Variants in SIRPG observed in about 807,000 individuals in gnomAD.
The protein encoded by SIRPG is signal regulatory protein gamma, also known as signal-regulatory protein gamma.
A neutral mutation model predicts 35.7 loss-of-function variants in SIRPG; 38 were observed. The ratio of observed to expected loss-of-function variants is 1.06; its 90% CI spans 0.82 to 1.40. The LOEUF (loss-of-function observed/expected upper bound fraction) is 1.40, where lower values mean the gene tolerates loss of function less well. SIRPG is among the 40% of genes most tolerant of loss of function. The pLI, the probability that SIRPG is intolerant of heterozygous loss-of-function variation, is 0.00. For synonymous variants in SIRPG, 215 were observed against 190.4 expected, an observed-to-expected ratio of 1.13 and a Z score of -1.06; for missense variants, 519 against 483.0, an observed-to-expected ratio of 1.07 and a Z score of -0.70.
chr20:1,630,214 G>A lies in SIRPG; in HGVS notation c.*2+8C>T, dbSNP rs144965974. On this transcript the variant is annotated splice_region_variant and intron_variant, in intron 5 of 5. Coordinates refer to ENST00000303415, the MANE Select transcript of SIRPG (RefSeq NM_018556.4). ...GCCCTTGGTCTGTCCTCCCTTCCTT[G>A]TACTTACAGTCAGGTCTTCTGCTTC... is the stretch of plus-strand genomic sequence containing the variant. 478 of 1,553,186 alleles carry A rather than the reference G, an allele frequency of 3.1e-4. 2 individuals carry two copies. In the African/African-American group the frequency reaches 5.8e-3, roughly 19 times the overall value.
chr20:1,685,914 T>C, the SIRPG span, among the ~76,000 whole-genome samples: 1 of 152,142 alleles, frequency 6.6e-6, no homozygotes, highest in Non-Finnish European at 1.5e-5. Flanking sequence ...CTCTGTGGCC[T>C]TGGGCAGATG....
At chr20:1,652,170 G>T (rs927767757) in intron 1 of SIRPG, among the ~76,000 whole-genome samples, 2 of 152,094 alleles carry the variant, frequency 1.3e-5, no homozygotes, top group African/African-American at 4.8e-5. Flanking sequence ...AAACAAAAAA[G>T]CCCCTCTCTG....
chr20:1,671,042 C>G, the SIRPG span: 2 of 423,770 alleles, frequency 4.7e-6, no homozygotes, highest in Admixed American at 2.6e-5. Flanking sequence ...GCAGGGTCCA[C>G]GTTGATCTGG....
At chr20:1,668,228 TTTCTTTCTTTCTTTCTTTC>T in the SIRPG span, among the ~76,000 whole-genome samples, 1 of 127,464 alleles carries the variant, frequency 7.8e-6, no homozygotes, top group Non-Finnish European at 1.7e-5. Flanking sequence ...TCTTTCTTTC[TTTCTTTCTTTCTTTCTTTC>T]TTTTTCTTTT....
intron 1 of SIRPG, 67 bp downstream of exon 1, chr20:1,657,575 C>A: frequency 6.7e-7 from 1 of 1,499,044 alleles, no homozygotes; most frequent in South Asian, 1.1e-5. Flanking sequence ...GAAATTGCTG[C>A]AAGTCCAGGG....
chr20:1,630,159 C>A, intron 5 of SIRPG, 63 bp downstream of exon 5: 2 of 1,264,332 alleles, frequency 1.6e-6, no homozygotes, highest in Non-Finnish European at 2.3e-6. Context: ...GTGGGCTGGG[C>A]CTTCCTGTTG....
chr20:1,632,951 G>A (rs908681682), intron 4 of SIRPG, among the ~76,000 whole-genome samples: 19 of 151,918 alleles, frequency 1.3e-4, no homozygotes, highest in African/African-American at 3.4e-4. Flanking sequence ...AAAAACTCAC[G>A]GAAACAAAGT....
intron 1 of SIRPG, among the ~76,000 whole-genome samples, chr20:1,656,004 T>C (rs953229320): frequency 6.6e-6 from 1 of 152,200 alleles, no homozygotes; most frequent in Non-Finnish European, 1.5e-5. Context: ...TAAGGTTGTT[T>C]TGTGCATTAA....
the SIRPG span, chr20:1,671,056 C>T: frequency 4.7e-6 from 2 of 425,564 alleles, no homozygotes; most frequent in African/African-American, 2.1e-5. Context: ...GATCTGGAAG[C>T]CTGAGAGCTC....
chr20:1,651,009 T>C (rs2091937012), intron 1 of SIRPG, among the ~76,000 whole-genome samples: 2 of 152,196 alleles, frequency 1.3e-5, no homozygotes, highest in African/African-American at 2.4e-5. Context: ...ATTCTATACC[T>C]GGCGAAAGTG....
At chr20:1,654,327 C>A (rs1288325354) in intron 1 of SIRPG, among the ~76,000 whole-genome samples, 1 of 151,794 alleles carries the variant, frequency 6.6e-6, no homozygotes, top group Non-Finnish European at 1.5e-5. Flanking sequence ...AATGGCATGG[C>A]ACTGGCATAA....
At chr20:1,642,818 T>C (rs2122500644) in intron 2 of SIRPG, among the ~76,000 whole-genome samples, 1 of 152,332 alleles carries the variant, frequency 6.6e-6, no homozygotes, top group African/African-American at 2.4e-5. Flanking sequence ...TATTTCTCCT[T>C]CACATATGAA....
intron 2 of SIRPG, among the ~76,000 whole-genome samples, chr20:1,645,468 A>C (rs1472672755): frequency 6.6e-6 from 1 of 152,294 alleles, no homozygotes; most frequent in Admixed American, 6.5e-5. Context: ...GAAAGCCACG[A>C]GACTCCACCC....
the SIRPG span, among the ~76,000 whole-genome samples, chr20:1,680,403 G>A: frequency 6.6e-6 from 1 of 152,134 alleles, no homozygotes; most frequent in Non-Finnish European, 1.5e-5. Flanking sequence ...ACCATAAATT[G>A]TCCCACATCC....
chr20:1,639,017 T>C (rs2091828419), intron 2 of SIRPG, among the ~76,000 whole-genome samples: 1 of 152,230 alleles, frequency 6.6e-6, no homozygotes, highest in Non-Finnish European at 1.5e-5. Context: ...GTCCAGTCTA[T>C]CACTGATGGG....
intron 2 of SIRPG, among the ~76,000 whole-genome samples, chr20:1,644,893 A>C (rs1344172796): frequency 6.6e-6 from 1 of 152,166 alleles, no homozygotes; most frequent in Admixed American, 6.5e-5. Context: ...TTCTGATGTC[A>C]GAACCTGGAT....
chr20:1,678,523 G>A, the SIRPG span, among the ~76,000 whole-genome samples: 6 of 152,088 alleles, frequency 3.9e-5, no homozygotes, highest in Non-Finnish European at 8.8e-5. Flanking sequence ...TGAAATTATT[G>A]ACAGTGAGGT....
intron 4 of SIRPG, among the ~76,000 whole-genome samples, chr20:1,633,346 C>T (rs938044016): frequency 1.3e-5 from 2 of 152,044 alleles, no homozygotes; most frequent in African/African-American, 4.8e-5. Context: ...ATTTAGTGCA[C>T]AGAAAGATAG....
At chr20:1,669,058 G>A in the SIRPG span, among the ~76,000 whole-genome samples, 2 of 152,106 alleles carry the variant, frequency 1.3e-5, no homozygotes, top group South Asian at 2.1e-4. Context: ...TGTATGAGAG[G>A]GAAACAGGAC....
Sources: gnomAD v4.1 joint callset for allele counts (sites outside exome capture counted in the v4.1 genomes callset) on GRCh38, gnomAD v4.1.1 for gene constraint, MANE v1.5 for transcripts, NCBI Gene and HGNC (gene_info 2026-07-23, HGNC 2026-07-21) for gene names.